The following SNRK variants were observed in gnomAD, a reference collection of about 807,000 sequenced individuals.
SNRK encodes the protein SNF related kinase, also known as SNF-related serine/threonine-protein kinase.
In SNRK, 3 loss-of-function variants were observed where a neutral mutation model predicts 48.2. The observed-to-expected ratio is 0.06, with a 90% CI of 0.03 to 0.16. The LOEUF is 0.16. SNRK is among the 10% of genes least tolerant of loss of function. SNRK has a pLI of 1.00. For missense variants in SNRK, 627 were observed against 976.0 expected (o/e 0.64, Z 4.76); for synonymous variants, 376 against 366.1 (o/e 1.03, Z -0.31).
chr3:43,341,410 C>CA (rs2091236933), intron 5 of SNRK, among the ~76,000 whole-genome samples: 1 of 152,194 alleles, frequency 6.6e-6, no homozygotes, highest in Non-Finnish European at 1.5e-5. Context: ...CTTGGCCTCC[C>CA]AAAGTGCTGG....
chr3:43,299,973 AT>A (rs2090886747), intron 2 of SNRK, among the ~76,000 whole-genome samples, 158 bp downstream of exon 2: 1 of 152,206 alleles, frequency 6.6e-6, no homozygotes, highest in East Asian at 1.9e-4. Context: ...AATGTACTTA[AT>A]AGTAGGATTA....
chr3:43,334,220 A>G (rs2091169766), intron 4 of SNRK, among the ~76,000 whole-genome samples: 1 of 152,032 alleles, frequency 6.6e-6, no homozygotes, highest in Admixed American at 6.6e-5. Context: ...GGAGGCCAAG[A>G]TGGAAGGATC....
At chr3:43,301,707 C>A (rs958658357) in intron 2 of SNRK, among the ~76,000 whole-genome samples, 17 of 152,120 alleles carry the variant, frequency 1.1e-4, no homozygotes, top group Admixed American at 6.6e-4. Flanking sequence ...ATAATTAATG[C>A]TCTTAATATG....
rs1303185209 is a variant in SNRK, at chr3:43,303,725, C to T, written c.522C>T (p.Ser174=). 2 of 1,613,992 alleles carry T rather than the reference C, an allele frequency of 1.2e-6. No homozygotes were observed. The highest frequency in any genetic ancestry group is 2.2e-5 in the South Asian group (2 of 91,086). Residue 174 remains serine, a synonymous_variant, in exon 3 of 7, where the codon AGC becomes AGT. Transcript: ENST00000296088. The surrounding 1 kb of genome is among the most constrained non-coding windows in gnomAD (Gnocchi z 6.2). ...AACCAGGGAAGAAGCTCACTACAAG[C>T]TGTGGATCTCTTGCATATTCCGCTC... ...KFQPGKKLTT[S]CGSLAYSAPE... is the part of the protein sequence containing the mutation.
chr3:43,346,075 C>T (rs2091273353), intron 6 of SNRK, among the ~76,000 whole-genome samples: 1 of 152,136 alleles, frequency 6.6e-6, no homozygotes, highest in African/African-American at 2.4e-5. Flanking sequence ...AGCCAGATAG[C>T]AGGGTAGGCA....
intron 3 of SNRK, among the ~76,000 whole-genome samples, chr3:43,326,493 C>T (rs1256484628): frequency 6.6e-6 from 1 of 152,034 alleles, no homozygotes; most frequent in Non-Finnish European, 1.5e-5. Context: ...CAAGGAGCTC[C>T]AAGTATTGGA....
chr3:43,321,605 C>A (rs2091053841), intron 3 of SNRK, among the ~76,000 whole-genome samples: 1 of 152,018 alleles, frequency 6.6e-6, no homozygotes, highest in Admixed American at 6.6e-5. Flanking sequence ...TTCCAGCTGT[C>A]AGCTGATAGG....
intron 3 of SNRK, among the ~76,000 whole-genome samples, chr3:43,325,674 G>A (rs535480557): frequency 1.8e-4 from 28 of 152,034 alleles, no homozygotes; most frequent in Non-Finnish European, 2.9e-4. Context: ...TTTCTAGTTC[G>A]AAGTTAACCA....
intron 6 of SNRK, among the ~76,000 whole-genome samples, chr3:43,344,970 A>C (rs1254511215): frequency 6.6e-6 from 1 of 152,206 alleles, no homozygotes; most frequent in Non-Finnish European, 1.5e-5. Context: ...TGAGACCAAC[A>C]TTAGCTATAA....
At position 43,348,310 on chromosome 3, in the gene SNRK, C is replaced by T. The variant is rs868087272; in HGVS notation, c.2051C>T (p.Thr684Met). The T allele has an allele frequency of 2.4e-5, 39 of 1,613,368 alleles. No homozygotes were observed. The African/African-American group carries it at 2.7e-4, about 11-fold the overall frequency. The change falls in exon 7 of 7, where the codon ACG (threonine) becomes ATG (methionine). Residue 684 changes from threonine to methionine, a missense_variant. Thr to Met is a moderately conservative substitution (Grantham distance 81). This residue lies in a region of SNRK where 207 missense variants were observed against 234.3 expected (regional missense o/e 0.88). Coordinates refer to ENST00000296088, the MANE Select transcript of SNRK (RefSeq NM_017719.5). ...AGTGTGAAAGTCCAAGAGAAATCTA[C>T]GTGGAAAATGTGCATTAGCTCCACA... ...FSSVKVQEKS[T>M]WKMCISSTGN...
rs750277487 is a variant in SNRK at position 43,332,281 on chromosome 3, A to G, written c.702A>G (p.Val234=). 1 of 1,577,840 alleles carries G rather than the reference A, an allele frequency of 6.3e-7. No homozygotes were observed. The highest frequency in any genetic ancestry group is 1.2e-5 in the South Asian group (1 of 83,294). Reference sequence around the variant, plus strand: ...TGATCATGGATTGCAAATATACAGTACCATCCCATGTGTCTAAAGAGTGTA... The same window carrying G: ...TGATCATGGATTGCAAATATACAGTGCCATCCCATGTGTCTAAAGAGTGTA... ...LTMIMDCKYT[V]PSHVSKECKD... is the part of the protein sequence containing the mutation. The change falls in exon 4 of 7, where the codon GTA becomes GTG. Residue 234 remains valine (V), a synonymous_variant. Coordinates refer to ENST00000296088, the MANE Select transcript of SNRK (RefSeq NM_017719.5).
Position 43,304,612 on chromosome 3 carries a change from A to G in SNRK, c.589+820A>G, listed in dbSNP as rs539648297. ...TAGGAATTTGTTCTTAATTTTTTTAAAGGATTTGTTGATCCGAAGGTGCAG... is the reference window on the plus strand; with the variant it reads ...TAGGAATTTGTTCTTAATTTTTTTAGAGGATTTGTTGATCCGAAGGTGCAG... On this transcript the variant is annotated intron_variant, in intron 3 of 6. Coordinates refer to ENST00000296088, the MANE Select transcript of SNRK (RefSeq NM_017719.5). 7.2e-4 allele frequency among the ~76,000 whole-genome samples: 110 copies of G among 152,290 alleles called. 1 individual carries two copies. Among genetic ancestry groups the G allele is most frequent in the African/African-American group, 2.6e-3 (106 of 41,562 alleles).
chr3:43,335,207 A>C (rs965163742), intron 4 of SNRK, among the ~76,000 whole-genome samples: 2 of 152,156 alleles, frequency 1.3e-5, no homozygotes, highest in African/African-American at 2.4e-5. Context: ...TTTCTGTTGT[A>C]ATAATTTAAG....
intron 3 of SNRK, among the ~76,000 whole-genome samples, chr3:43,308,252 C>T (rs1393599468): frequency 6.6e-6 from 1 of 152,208 alleles, no homozygotes. Context: ...GGAGAAGCTG[C>T]AGCAAGTTAG....
chr3:43,298,170 A>G (rs2090871100), intron 1 of SNRK, among the ~76,000 whole-genome samples: 1 of 152,186 alleles, frequency 6.6e-6, no homozygotes. Context: ...AACATTTTCT[A>G]ATGAAGAAAC....
chr3:43,343,090 T>C lies in SNRK; in HGVS notation c.945-254T>C, dbSNP rs184957033. ...AAACTGACGTCTAACTCAGCTGCTG[T>C]TGGCATTTTGGATTTTTCTCTCATT... On this transcript the variant is annotated intron_variant, in intron 5 of 6. Coordinates refer to ENST00000296088, the MANE Select transcript of SNRK (RefSeq NM_017719.5). 42 of 382,098 alleles carry C rather than the reference T, an allele frequency of 1.1e-4. No homozygotes were observed. In the East Asian group the frequency reaches 2.0e-3, roughly 18 times the overall value. The allele number at this position is 382,098 out of a possible 1,614,324, so 23.7% of individuals were successfully genotyped here.
At position 43,347,941 on chromosome 3, in the gene SNRK, C is replaced by T. The variant is rs2091290180; in HGVS notation, c.1682C>T (p.Thr561Ile). The change falls in exon 7 of 7, where the codon ACC (threonine) becomes ATC (isoleucine). Residue 561 changes from threonine to isoleucine, a missense_variant. Coordinates refer to ENST00000296088, the MANE Select transcript of SNRK (RefSeq NM_017719.5). This position sits in a 1 kb window ranked among gnomAD's most constrained non-coding sequence, Gnocchi z 5.4. ...CGGCTCGATAAAGATAGCGGGTTCA[C>T]CTACTCCTGGCACCGACGGGATAGC... ...RRRLDKDSGF[T>I]YSWHRRDSSE... 2 of 1,613,984 alleles carry T rather than the reference C, an allele frequency of 1.2e-6. No homozygotes were observed. Among genetic ancestry groups the T allele is most frequent in the South Asian group, 2.2e-5 (2 of 91,086 alleles).
rs369209633 is a variant in SNRK, at chr3:43,348,496, G to A, written c.2237G>A (p.Arg746Gln). 22 of 1,582,940 alleles carry A rather than the reference G, an allele frequency of 1.4e-5. No individual in the cohort carries two copies. Among genetic ancestry groups the A allele is most frequent in the Non-Finnish European group, 1.7e-5 (20 of 1,166,198 alleles). ...AAGACCATCTCTGTGAACATCCAGCGGAACCCTAAGGAGGGGCTGCTGTGC... is the reference window on the plus strand; with the variant it reads ...AAGACCATCTCTGTGAACATCCAGCAGAACCCTAAGGAGGGGCTGCTGTGC... ...CEKTISVNIQ[R>Q]NPKEGLLCAS... The change falls in exon 7 of 7, where the codon CGG becomes CAG. Residue 746 changes from arginine (R) to glutamine (Q), a missense_variant. Transcript: ENST00000296088.
intron 3 of SNRK, among the ~76,000 whole-genome samples, chr3:43,305,670 A>G (rs553151091): frequency 8.6e-5 from 13 of 151,802 alleles, no homozygotes; most frequent in Non-Finnish European, 1.3e-4. Context: ...TATTTTTAGT[A>G]GAGACGGGGT....
Sources: allele counts gnomAD v4.1 joint callset (sites outside exome capture counted in the v4.1 genomes callset), GRCh38; gene constraint gnomAD v4.1.1; regional missense constraint gnomAD v4.1.1; non-coding constraint Gnocchi (gnomAD v3.1); transcripts MANE v1.5; gene names NCBI Gene and HGNC (gene_info 2026-07-23, HGNC 2026-07-21).